XRCC4: variants seen among roughly 807,000 people sequenced by gnomAD.
The protein encoded by XRCC4 is DNA repair protein XRCC4.
A neutral mutation model predicts 39.1 loss-of-function variants in XRCC4; 28 were observed. The observed-to-expected ratio is 0.72, with a 90% CI of 0.53 to 0.98. The LOEUF (loss-of-function observed/expected upper bound fraction) is 0.98. XRCC4 is among the 50% of genes least tolerant of loss of function. The pLI is 0.00. For missense variants in XRCC4, 350 were observed against 376.4 expected (o/e 0.93, Z 0.58); for synonymous variants, 123 against 126.4 (o/e 0.97, Z 0.18).
intron 7 of XRCC4, among the ~76,000 whole-genome samples, chr5:83,299,992 T>C (rs1755220985): frequency 6.6e-6 from 1 of 152,204 alleles, no homozygotes; most frequent in Admixed American, 6.5e-5. Context: ...GTGGAGATTC[T>C]TTGAGGCTTA....
In XRCC4 at chr5:83,125,643, C is replaced by T. The variant is rs117484667; in HGVS notation, c.315+14440C>T. On this transcript the variant is annotated intron_variant, in intron 3 of 7. Coordinates refer to ENST00000396027, the MANE Select transcript of XRCC4 (RefSeq NM_003401.5). ...GCCTCATGGATCTATGTATCTGTCC[C>T]TCCACCAACACCACACTGTCTTAAT... 1.8e-4 allele frequency among the ~76,000 whole-genome samples: 28 copies of T among 152,262 alleles called. No individual in the cohort carries two copies. In the East Asian group the frequency reaches 5.4e-3, roughly 29 times the overall value.
chr5:83,162,001 T>C (rs1313584470), intron 3 of XRCC4, among the ~76,000 whole-genome samples: 1 of 151,938 alleles, frequency 6.6e-6, no homozygotes, highest in Non-Finnish European at 1.5e-5. Context: ...CCGTCTCTAC[T>C]AAAAATACAA....
intron 3 of XRCC4, among the ~76,000 whole-genome samples, chr5:83,187,838 G>A (rs1400584362): frequency 2.0e-5 from 3 of 152,184 alleles, no homozygotes; most frequent in Admixed American, 1.3e-4. Context: ...TGTGACTGAG[G>A]AACTTACTTT....
intron 7 of XRCC4, among the ~76,000 whole-genome samples, chr5:83,289,724 C>G (rs1346532071): frequency 6.6e-6 from 1 of 151,570 alleles, no homozygotes; most frequent in Non-Finnish European, 1.5e-5. Context: ...CTTTTTTTCC[C>G]TTCTTAGGTG....
intron 6 of XRCC4, among the ~76,000 whole-genome samples, chr5:83,218,580 A>C (rs1221989143): frequency 6.6e-6 from 1 of 151,924 alleles, no homozygotes; most frequent in Non-Finnish European, 1.5e-5. Context: ...ACATGCAAAA[A>C]CTTGGAGGAA....
chr5:83,252,192 A>G (rs935061406), intron 6 of XRCC4, among the ~76,000 whole-genome samples: 6 of 152,162 alleles, frequency 3.9e-5, no homozygotes, highest in Admixed American at 6.6e-5. Flanking sequence ...TCTCTTGGGA[A>G]AGAAGGAATA....
intron 1 of XRCC4, among the ~76,000 whole-genome samples, chr5:83,083,489 T>C (rs1039636029): frequency 6.6e-6 from 1 of 151,630 alleles, no homozygotes; most frequent in African/African-American, 2.4e-5. Context: ...CAATTCTCTC[T>C]TCTCAGCCTC....
At chr5:83,196,021 C>A in intron 4 of XRCC4, 85 bp downstream of exon 4, 4 of 1,363,272 alleles carry the variant, frequency 2.9e-6, no homozygotes, top group Non-Finnish European at 3.9e-6. Flanking sequence ...GGTAAATTTC[C>A]AATATATGTG....
intron 3 of XRCC4, among the ~76,000 whole-genome samples, chr5:83,127,880 CTTT>C (rs59797411): frequency 7.9e-4 from 106 of 134,126 alleles, no homozygotes; most frequent in African/African-American, 1.8e-3. Context: ...TCTAAGTTGA[CTTT>C]TTTTTTTTTT....
chr5:83,348,757 A>G (rs1756994745), intron 7 of XRCC4, among the ~76,000 whole-genome samples: 2 of 152,190 alleles, frequency 1.3e-5, no homozygotes, highest in South Asian at 4.1e-4. Context: ...TTTCTACCAT[A>G]TGGCTAGGCT....
chr5:83,173,494 C>A (rs1274383345), intron 3 of XRCC4, among the ~76,000 whole-genome samples: 1 of 152,028 alleles, frequency 6.6e-6, no homozygotes. Context: ...GGGAACTGTT[C>A]CAGATATTCA....
intron 3 of XRCC4, among the ~76,000 whole-genome samples, chr5:83,153,369 C>T (rs916190718): frequency 2.6e-5 from 4 of 152,064 alleles, no homozygotes; most frequent in African/African-American, 7.2e-5. Flanking sequence ...CCACAATGCC[C>T]GGCTAATTTT....
In XRCC4 at chr5:83,208,319, C is replaced by G. The variant is rs16900233; in HGVS notation, c.745+3398C>G. ...ATTTGGTAGTTATGCTTGTTTTTAC[C>G]TTACTGTCCCATTTAAATGAAATTA... On this transcript the variant is annotated intron_variant, in intron 6 of 7. Transcript: ENST00000396027. Among the ~76,000 whole-genome samples, 1,402 of 151,966 alleles carry G rather than the reference C, an allele frequency of 9.2e-3. 18 individuals are homozygous for G. The highest frequency in any genetic ancestry group is 0.032 in the African/African-American group (1,317 of 41,492).
At chr5:83,346,750 A>G (rs1054342062) in intron 7 of XRCC4, among the ~76,000 whole-genome samples, 4 of 152,210 alleles carry the variant, frequency 2.6e-5, no homozygotes, top group Non-Finnish European at 2.9e-5. Flanking sequence ...GGTACTGTAA[A>G]TGACCAGAGG....
intron 3 of XRCC4, among the ~76,000 whole-genome samples, chr5:83,139,894 G>A (rs552018825): frequency 6.6e-6 from 1 of 152,242 alleles, no homozygotes; most frequent in South Asian, 2.1e-4. Context: ...TTTTATGGTT[G>A]GTTGTATACT....
Position 83,242,597 on chromosome 5 carries a change from C to T in XRCC4, c.746-15933C>T, listed in dbSNP as rs149780271. On this transcript the variant is annotated intron_variant, in intron 6 of 7. Coordinates refer to ENST00000396027, the MANE Select transcript of XRCC4 (RefSeq NM_003401.5). ...AGTAGCTGTTTGGTCTACAGGTGTG[C>T]GCCACTATGCCCAGTTTCTTCTTAT... 7.5e-3 allele frequency among the ~76,000 whole-genome samples: 1,137 copies of T among 152,042 alleles called. 4 individuals carry two copies. The highest frequency in any genetic ancestry group is 0.013 in the Non-Finnish European group (889 of 67,964).
intron 4 of XRCC4, chr5:83,201,777 C>T (rs1431164935): frequency 6.5e-6 from 1 of 152,840 alleles, no homozygotes; most frequent in African/African-American, 2.4e-5. Flanking sequence ...GGTGCGGTGG[C>T]TCACGCCTGT....
At chr5:83,282,928 A>G (rs1754598102) in intron 7 of XRCC4, among the ~76,000 whole-genome samples, 2 of 152,082 alleles carry the variant, frequency 1.3e-5, no homozygotes, top group Admixed American at 6.5e-5. Context: ...ATATTTGGAA[A>G]CATGTATGTT....
chr5:83,232,859 A>G (rs554924783), intron 6 of XRCC4, among the ~76,000 whole-genome samples: 3 of 152,268 alleles, frequency 2.0e-5, no homozygotes, highest in Middle Eastern at 3.4e-3. Context: ...CTTGACCACA[A>G]TTAATATTAG....
Sources: gnomAD v4.1 joint callset for allele counts (sites outside exome capture counted in the v4.1 genomes callset) on GRCh38, gnomAD v4.1.1 for gene constraint, MANE v1.5 for transcripts, NCBI Gene and HGNC (gene_info 2026-07-23, HGNC 2026-07-21) for gene names.